The following SYTL3 variants were observed in gnomAD, a reference collection of about 807,000 sequenced individuals.
The protein encoded by SYTL3 is synaptotagmin-like protein 3.
Under a neutral mutation model 82.1 loss-of-function variants are expected in SYTL3, and 88 were observed. The observed-to-expected ratio is 1.07, with a 90% confidence interval of 0.90 to 1.28. The LOEUF (loss-of-function observed/expected upper bound fraction) is 1.28, where lower values mean the gene tolerates loss of function less well. SYTL3 is among the 50% of genes most tolerant of loss of function. The pLI is 0.00. For missense variants in SYTL3, 831 were observed against 757.6 expected (o/e 1.10, Z -1.14); for synonymous variants, 311 against 289.4 (o/e 1.07, Z -0.76).
At chr6:158,647,580 A>G (rs977751876), upstream of SYTL3, among the ~76,000 whole-genome samples, 5 of 152,256 alleles carry the variant, frequency 3.3e-5, no homozygotes, top group African/African-American at 7.2e-5. Flanking sequence ...ATGTGGTATT[A>G]TATTCTGCCC....
rs371028380 is a variant in SYTL3 at position 158,660,876 on chromosome 6, G to A, written c.-636-393G>A. ...GAGCCCAGACCAGCCTGCGCAACAT[G>A]GTGAAACCCATCTCTACAAAATTAA... On this transcript the variant is annotated intron_variant, in intron 2 of 17. Transcript: ENST00000611299. Among the ~76,000 whole-genome samples the A allele has an allele frequency of 3.3e-5, 5 of 152,046 alleles. No individual in the cohort carries two copies. In the East Asian group the frequency reaches 7.7e-4, roughly 23 times the overall value.
At position 158,730,720 on chromosome 6, in the gene SYTL3, G is replaced by C. The variant is rs535543189; in HGVS notation, c.855+5083G>C. 1.5e-4 allele frequency among the ~76,000 whole-genome samples: 23 copies of C among 152,300 alleles called. No individual in the cohort carries two copies. In the South Asian group the frequency reaches 1.9e-3, roughly 12 times the overall value. On this transcript the variant is annotated intron_variant, in intron 11 of 17. Transcript: ENST00000611299. ...GCATAAGACAAGGAAGGAAATACCG[G>C]AGGAGCTGGTAAAATATTTCCTTGG...
intron 6 of SYTL3, among the ~76,000 whole-genome samples, chr6:158,683,685 TTCTC>T (rs1454133781): frequency 3.3e-5 from 5 of 152,260 alleles, no homozygotes; most frequent in Admixed American, 3.3e-4. Flanking sequence ...GCACTTCTGT[TTCTC>T]TCTACAAGCA....
At chr6:158,683,194 C>T (rs563071812) in intron 6 of SYTL3, among the ~76,000 whole-genome samples, 1 of 150,684 alleles carries the variant, frequency 6.6e-6, no homozygotes, top group South Asian at 2.1e-4. Context: ...TGCATTTCTA[C>T]CTCTGAGGTT....
At chr6:158,677,815 A>C (rs927370901) in intron 5 of SYTL3, among the ~76,000 whole-genome samples, 1 of 152,142 alleles carries the variant, frequency 6.6e-6, no homozygotes, top group Non-Finnish European at 1.5e-5. Flanking sequence ...CAGTTGGACA[A>C]ACTATCATGA....
At chr6:158,698,778 TGAC>T (rs1319057418) in intron 6 of SYTL3, among the ~76,000 whole-genome samples, 1 of 152,218 alleles carries the variant, frequency 6.6e-6, no homozygotes, top group Non-Finnish European at 1.5e-5. Context: ...TGTATTGTTC[TGAC>T]AAGATCCATA....
rs769583179 is a variant in SYTL3, at chr6:158,764,696, G to A, written c.*92G>A. On this transcript the variant is annotated 3_prime_UTR_variant, in exon 18 of 18. Coordinates refer to ENST00000611299, the MANE Select transcript of SYTL3 (RefSeq NM_001242394.2). ...AACCAGGTGCAGGGTCCCAGCTGGA[G>A]ACCCCTTTGACCTTGAGCAGTCTCC... The A allele has an allele frequency of 9.4e-6, 8 of 848,376 alleles. No homozygotes were observed. The African/African-American group carries it at 9.9e-5, about 11-fold the overall frequency. 52.6% of individuals were successfully genotyped at this position (848,376 alleles called of 1,614,324 possible). A position where few individuals can be genotyped will look rare whatever the true frequency, so the allele number is the denominator to read the frequency against.
intron 8 of SYTL3, among the ~76,000 whole-genome samples, chr6:158,709,621 T>A (rs1471409183): frequency 6.6e-6 from 1 of 152,176 alleles, no homozygotes; most frequent in Non-Finnish European, 1.5e-5. Context: ...TTGGTTATCT[T>A]CATTATTCTA....
rs575358067 is a variant in SYTL3, at chr6:158,693,855, C to CTTTTTTTTTTTTTTTTTTTTT, written c.394+10884_394+10885insTTTTTTTTTTTTTTTTTTTTT. Among the ~76,000 whole-genome samples the CTTTTTTTTTTTTTTTTTTTTT allele has an allele frequency of 7.2e-5, 7 of 96,866 alleles. 1 individual carries two copies. The highest frequency in any genetic ancestry group is 3.8e-4 in the African/African-American group (7 of 18,590). 63.5% of individuals were successfully genotyped at this position (96,866 alleles called of 152,430 possible). A position where few individuals can be genotyped will look rare whatever the true frequency, so the allele number is the denominator to read the frequency against. ...TGCATCCAGCCTTTCTTTTTCTTTT[C>CTTTTTTTTTTTTTTTTTTTTT]TTTTTTTTTTTTTTTTTTGTAGATA... On this transcript the variant is annotated intron_variant, in intron 6 of 17. Transcript: ENST00000611299.
At chr6:158,682,398 C>T (rs1196649625) in intron 5 of SYTL3, among the ~76,000 whole-genome samples, 7 of 131,852 alleles carry the variant, frequency 5.3e-5, no homozygotes, top group Non-Finnish European at 9.2e-5. Flanking sequence ...CTGGCTCTGC[C>T]GCCCAGGCTG....
At chr6:158,719,611 C>T (rs567732131) in intron 10 of SYTL3, among the ~76,000 whole-genome samples, 2 of 152,324 alleles carry the variant, frequency 1.3e-5, no homozygotes, top group South Asian at 2.1e-4. Flanking sequence ...CTGTCAGCTT[C>T]CCGGGGTCTA....
intron 6 of SYTL3, among the ~76,000 whole-genome samples, chr6:158,687,935 G>A (rs143571882): frequency 2.0e-5 from 3 of 152,312 alleles, no homozygotes; most frequent in East Asian, 1.9e-4. Context: ...TTACATGCAC[G>A]TGTACACACC....
chr6:158,687,867 A>T (rs1364726803), intron 6 of SYTL3, among the ~76,000 whole-genome samples: 1 of 152,230 alleles, frequency 6.6e-6, no homozygotes, highest in Non-Finnish European at 1.5e-5. Context: ...CATTTGGGAA[A>T]CACAGAATAG....
chr6:158,759,042 CT>C (rs1789545239), intron 14 of SYTL3, among the ~76,000 whole-genome samples: 1 of 152,192 alleles, frequency 6.6e-6, no homozygotes, highest in Non-Finnish European at 1.5e-5. Flanking sequence ...GCCTGAACTC[CT>C]TCTGTCCGAG....
intron 9 of SYTL3, among the ~76,000 whole-genome samples, chr6:158,717,146 C>T (rs1366788570): frequency 6.6e-6 from 1 of 151,172 alleles, no homozygotes; most frequent in African/African-American, 2.5e-5. Context: ...TGGTGACACA[C>T]ACCTGTAATC....
rs560661493 is a variant in SYTL3 at position 158,728,274 on chromosome 6, G to A, written c.855+2637G>A. 2.6e-5 allele frequency among the ~76,000 whole-genome samples: 4 copies of A among 151,982 alleles called. No individual in the cohort carries two copies. In the South Asian group the frequency reaches 8.3e-4, roughly 32 times the overall value. On this transcript the variant is annotated intron_variant, in intron 11 of 17. Coordinates refer to ENST00000611299, the MANE Select transcript of SYTL3 (RefSeq NM_001242394.2). ...CTATTTTTGTGTGTGAGTGAATGGT[G>A]TAAGGTAGAGATTGGGGCTCATTTT...
At chr6:158,743,755 T>C (rs1787241716) in intron 11 of SYTL3, among the ~76,000 whole-genome samples, 1 of 151,134 alleles carries the variant, frequency 6.6e-6, no homozygotes, top group African/African-American at 2.4e-5. Context: ...CTGTGCCTTT[T>C]TGAGTGTGTA....
Position 158,763,362 on chromosome 6 carries a change from C to G in SYTL3, c.1576C>G (p.Gln526Glu). 1 of 1,614,246 alleles carries G rather than the reference C, an allele frequency of 6.2e-7. No homozygotes were observed. Among genetic ancestry groups the G allele is most frequent in the Non-Finnish European group, 8.5e-7 (1 of 1,180,046 alleles). Reference protein sequence around the residue: ...LRLKSPVLRKQACPQWKHSFV... With the variant: ...LRLKSPVLRKEACPQWKHSFV... ...ACTGAAGTCGCCAGTCCTGAGGAAG[C>G]AGGCTTGCCCCCAGTGGAAACACTC... Residue 526 changes from glutamine to glutamate, a missense_variant, in exon 17 of 18, where the codon CAG becomes GAG. Gln to Glu is a conservative substitution (Grantham distance 29). Transcript: ENST00000611299.
chr6:158,763,380 A>G lies in SYTL3; in HGVS notation c.1594A>G (p.Lys532Glu). The stretch of plus-strand genomic sequence containing the variant: ...GAGGAAGCAGGCTTGCCCCCAGTGG[A>G]AACACTCATTTGTCTTCAGTGGCGT... ...VLRKQACPQWKHSFVFSGVTP... is the reference protein window; with the variant it reads ...VLRKQACPQWEHSFVFSGVTP... Residue 532 changes from lysine (K) to glutamate (E), a missense_variant, in exon 17 of 18, where the codon AAA becomes GAA. Lys to Glu is a moderately conservative substitution (Grantham distance 56). Transcript: ENST00000611299. 6 of 1,614,236 alleles carry G rather than the reference A, an allele frequency of 3.7e-6. No individual in the cohort carries two copies. Among genetic ancestry groups the G allele is most frequent in the Non-Finnish European group, 5.1e-6 (6 of 1,180,030 alleles).
Sources: allele counts gnomAD v4.1 joint callset (sites outside exome capture counted in the v4.1 genomes callset), GRCh38; gene constraint gnomAD v4.1.1; transcripts MANE v1.5; gene names NCBI Gene and HGNC (gene_info 2026-07-23, HGNC 2026-07-21).